Variants in KDM5A observed in about 807,000 individuals in gnomAD.
KDM5A encodes lysine-specific demethylase 5A.
KDM5A carries 42 observed loss-of-function variants against 193.5 expected under a neutral mutation model. The ratio of observed to expected loss-of-function variants is 0.22; its 90% CI spans 0.17 to 0.28. The LOEUF (loss-of-function observed/expected upper bound fraction) is 0.28. Ranked by LOEUF, KDM5A falls within the 10% of genes least tolerant of loss-of-function variation. KDM5A has a pLI of 1.00. For missense variants in KDM5A, 1,692 were observed against 2,055.1 expected, an observed-to-expected ratio of 0.82 and a Z score of 3.42; for synonymous variants, 796 against 718.1, an observed-to-expected ratio of 1.11 and a Z score of -1.73.
intron 14 of KDM5A, among the ~76,000 whole-genome samples, chr12:325,805 G>A (rs992747890): frequency 5.3e-5 from 8 of 152,226 alleles, no homozygotes; most frequent in African/African-American, 1.9e-4. Context: ...CCTGAGGTCA[G>A]GAGTTCGAGA....
At chr12:385,844 A>C (rs1944631698) in intron 2 of KDM5A, 53 bp downstream of exon 2, 1 of 1,377,736 alleles carries the variant, frequency 7.3e-7, no homozygotes, top group East Asian at 2.3e-5. Flanking sequence ...CTCTACCTAC[A>C]GCCCTAATAT....
At chr12:345,251 G>A (rs1347463239) in intron 10 of KDM5A, among the ~76,000 whole-genome samples, 8 of 152,124 alleles carry the variant, frequency 5.3e-5, no homozygotes, top group Non-Finnish European at 1.0e-4. Flanking sequence ...CAATACAGGA[G>A]CACCCAGATT....
chr12:301,000 T>C (rs141761094), intron 24 of KDM5A, among the ~76,000 whole-genome samples: 4 of 152,290 alleles, frequency 2.6e-5, no homozygotes, highest in Admixed American at 6.5e-5. Context: ...AATCCCTGAA[T>C]AGACCAATCA....
intron 3 of KDM5A, among the ~76,000 whole-genome samples, chr12:369,970 C>T (rs1373075975): frequency 6.6e-6 from 1 of 152,198 alleles, no homozygotes; most frequent in Non-Finnish European, 1.5e-5. Context: ...AACTATCTCA[C>T]AAAGAAAACA....
At chr12:358,082 T>C (rs1443338395) in intron 5 of KDM5A, among the ~76,000 whole-genome samples, 1 of 152,150 alleles carries the variant, frequency 6.6e-6, no homozygotes, top group East Asian at 1.9e-4. Flanking sequence ...AAATTTGTTA[T>C]TAATGTTTAA....
intron 3 of KDM5A, among the ~76,000 whole-genome samples, chr12:370,736 G>A (rs1178522289): frequency 6.6e-6 from 1 of 152,126 alleles, no homozygotes; most frequent in African/African-American, 2.4e-5. Context: ...ACTTACATTA[G>A]GTATATCTCC....
At chr12:290,576 C>T (rs1366122729) in intron 27 of KDM5A, among the ~76,000 whole-genome samples, 1 of 152,108 alleles carries the variant, frequency 6.6e-6, no homozygotes, top group Non-Finnish European at 1.5e-5. Context: ...TCTCACAGTT[C>T]CTTCAAAAAT....
intron 10 of KDM5A, among the ~76,000 whole-genome samples, chr12:342,348 C>T (rs1196066353): frequency 6.6e-6 from 1 of 152,184 alleles, no homozygotes; most frequent in African/African-American, 2.4e-5. Context: ...AAATACAGGT[C>T]ATCTCCTACG....
rs748841525 is a variant in KDM5A at position 318,372 on chromosome 12, C to G, written c.2631G>C (p.Leu877Phe). Residue 877 changes from leucine (L) to phenylalanine (F), a missense_variant, in exon 19 of 28, where the codon TTG (leucine) becomes TTC (phenylalanine). This residue lies in a region of KDM5A where 965 missense variants were observed against 1,061.0 expected (regional missense o/e 0.91). Coordinates refer to ENST00000399788, the MANE Select transcript of KDM5A (RefSeq NM_001042603.3). ...ETPDSSKLQMLIDMGSSLYVE... is the reference protein window; with the variant it reads ...ETPDSSKLQMFIDMGSSLYVE... ...CATAGAGACTAGAGCCCATATCTAT[C>G]AACATCTGGAGTTTGGAAGAATCTG... is the stretch of plus-strand genomic sequence containing the variant. The G allele has an allele frequency of 1.9e-6, 3 of 1,614,164 alleles. No homozygotes were observed. Among genetic ancestry groups the G allele is most frequent in the Non-Finnish European group, 2.5e-6 (3 of 1,179,984 alleles).
chr12:357,803 G>A (rs1410325441), intron 5 of KDM5A, among the ~76,000 whole-genome samples: 3 of 118,198 alleles, frequency 2.5e-5, no homozygotes, highest in Non-Finnish European at 4.9e-5. Context: ...ACTCCAGCCT[G>A]GGCGACAGAG....
chr12:354,711 G>A (rs1944209696), intron 7 of KDM5A, among the ~76,000 whole-genome samples: 1 of 151,782 alleles, frequency 6.6e-6, no homozygotes, highest in Non-Finnish European at 1.5e-5. Flanking sequence ...AGCTTGCAGT[G>A]AGCCGAGATC....
chr12:334,465 A>G, intron 10 of KDM5A, 43 bp from the exon 11 acceptor site: 1 of 1,547,132 alleles, frequency 6.5e-7, no homozygotes. Flanking sequence ...TCAGAAATGA[A>G]AAGTGCTCAA....
At position 317,006 on chromosome 12, in the gene KDM5A, T is replaced by C. The variant is rs1220299987; in HGVS notation, c.2897+1100A>G. Among the ~76,000 whole-genome samples the C allele has an allele frequency of 5.9e-5, 9 of 152,214 alleles. 1 individual carries two copies. The highest frequency in any genetic ancestry group is 5.9e-4 in the Admixed American group (9 of 15,288). On this transcript the variant is annotated intron_variant, in intron 19 of 27. Transcript: ENST00000399788. Reference sequence around the variant, plus strand: ...TTCCTCATCCTCACAATAGAAATTATATAAATATTAATCTTAGCTGCTAGA... The same window carrying C: ...TTCCTCATCCTCACAATAGAAATTACATAAATATTAATCTTAGCTGCTAGA...
chr12:297,813 G>A (rs1224787286), intron 24 of KDM5A, among the ~76,000 whole-genome samples: 1 of 152,208 alleles, frequency 6.6e-6, no homozygotes, highest in Non-Finnish European at 1.5e-5. Context: ...ACCAGCTGCA[G>A]AAATTAACTC....
rs504807 is a variant in KDM5A at position 282,635 on chromosome 12, C to T, written c.*2821G>A. On this transcript the variant is annotated 3_prime_UTR_variant, in exon 28 of 28. Transcript: ENST00000399788. ...AATGACTTAGCTTTTAAGAATACCA[C>T]AGGCCTACCATATTTCCATTTTTCT... 7.9e-4 allele frequency: 185 copies of T among 233,154 alleles called. 1 individual carries two copies. Among genetic ancestry groups the T allele is most frequent in the African/African-American group, 3.8e-3 (172 of 45,466 alleles). The allele number at this position is 233,154 out of a possible 1,614,324, so 14.4% of individuals were successfully genotyped here.
chr12:294,945 T>C (rs949618942), intron 26 of KDM5A, among the ~76,000 whole-genome samples: 2 of 152,206 alleles, frequency 1.3e-5, no homozygotes, highest in Non-Finnish European at 1.5e-5. Context: ...AATGAGCTCA[T>C]GGAACTGCTA....
Position 284,221 on chromosome 12 carries a change from T to C in KDM5A, c.*1235A>G, listed in dbSNP as rs757816031. On this transcript the variant is annotated 3_prime_UTR_variant, in exon 28 of 28. Coordinates refer to ENST00000399788, the MANE Select transcript of KDM5A (RefSeq NM_001042603.3). ...CATATGCTGCTGGTAACAGTAAATATATATATTTATATATTCATATATGTA... is the reference window on the plus strand; with the variant it reads ...CATATGCTGCTGGTAACAGTAAATACATATATTTATATATTCATATATGTA... 9.0e-6 allele frequency: 2 copies of C among 222,686 alleles called. No homozygotes were observed. The highest frequency in any genetic ancestry group is 3.7e-4 in the South Asian group (2 of 5,454). The allele number at this position is 222,686 out of a possible 1,614,324, so 13.8% of individuals were successfully genotyped here. A position where few individuals can be genotyped will look rare whatever the true frequency, so the allele number is the denominator to read the frequency against.
Position 291,449 on chromosome 12 carries a change from G to C in KDM5A, c.4866+1310C>G, listed in dbSNP as rs143098744. The stretch of plus-strand genomic sequence containing the variant: ...AGCCAAGATCTAGGGTTCTACTTTT[G>C]GTTTTGCTACTAACTAGCTCTGTAA... On this transcript the variant is annotated intron_variant, in intron 27 of 27. Coordinates refer to ENST00000399788, the MANE Select transcript of KDM5A (RefSeq NM_001042603.3). Among the ~76,000 whole-genome samples the C allele has an allele frequency of 2.2e-3, 334 of 152,222 alleles. 2 individuals carry two copies. Among genetic ancestry groups the C allele is most frequent in the African/African-American group, 7.5e-3 (313 of 41,510 alleles).
chr12:352,476 C>A (rs536067632), intron 8 of KDM5A, 152 bp from the exon 9 acceptor site: 3 of 694,934 alleles, frequency 4.3e-6, no homozygotes, highest in Admixed American at 4.6e-5. Context: ...ACTTACAATA[C>A]CGTATCAGGA....
Sources: allele counts gnomAD v4.1 joint callset (sites outside exome capture counted in the v4.1 genomes callset), GRCh38; gene constraint gnomAD v4.1.1; regional missense constraint gnomAD v4.1.1; transcripts MANE v1.5; gene names NCBI Gene and HGNC (gene_info 2026-07-23, HGNC 2026-07-21).